XKRX: variants seen among roughly 807,000 people sequenced by gnomAD.
The protein encoded by XKRX is XK-related protein 2.
Under a neutral mutation model 22.4 loss-of-function variants are expected in XKRX, and 11 were observed. The observed-to-expected ratio is 0.49, with a 90% CI of 0.31 to 0.81. The LOEUF (loss-of-function observed/expected upper bound fraction) is 0.81, where lower values mean the gene tolerates loss of function less well. XKRX is among the 40% of genes least tolerant of loss of function. The pLI is 0.05. For missense variants in XKRX, 320 were observed against 336.5 expected (o/e 0.95, Z 0.38); for synonymous variants, 114 against 132.2 (o/e 0.86, Z 0.94).
the XKRX span, chrX:100,957,483 A>C: frequency 8.4e-7 from 1 of 1,190,071 alleles, no homozygotes; most frequent in South Asian, 1.8e-5. Flanking sequence ...CAGGGAGGAA[A>C]TAGAGACGCA....
At chrX:100,890,259 A>G in the XKRX span, among the ~76,000 whole-genome samples, 3 of 110,645 alleles carry the variant, frequency 2.7e-5, no homozygotes, top group Non-Finnish European at 5.7e-5. Context: ...GGCGAGGGCC[A>G]TAAGTCACCT....
chrX:100,897,295 T>C, the XKRX span, among the ~76,000 whole-genome samples: 1 of 110,851 alleles, frequency 9.0e-6, no homozygotes, highest in South Asian at 3.8e-4. Flanking sequence ...TTTAAAAATA[T>C]CTTTTTCGGC....
the XKRX span, among the ~76,000 whole-genome samples, chrX:100,937,694 C>T: frequency 1.8e-5 from 2 of 112,139 alleles, no homozygotes; most frequent in East Asian, 5.6e-4. Flanking sequence ...GTCATTCGCA[C>T]ACAAGGGTCT....
the XKRX span, among the ~76,000 whole-genome samples, chrX:100,941,188 G>A: frequency 8.9e-6 from 1 of 111,909 alleles, no homozygotes; most frequent in Non-Finnish European, 1.9e-5. Flanking sequence ...AGCTAGAGCT[G>A]TCCATTAGGG....
chrX:100,889,497 G>C, the XKRX span, among the ~76,000 whole-genome samples: 1 of 110,211 alleles, frequency 9.1e-6, no homozygotes, highest in Non-Finnish European at 1.9e-5. Flanking sequence ...TCAGCCTTGC[G>C]AGTAGCCATG....
chrX:100,927,646 A>T (rs1015332513), intron 1 of XKRX, among the ~76,000 whole-genome samples: 8 of 111,223 alleles, frequency 7.2e-5, no homozygotes, highest in African/African-American at 2.6e-4. Context: ...CTCAGAAAAA[A>T]AAAATTTTTT....
chrX:100,899,459 G>A, the XKRX span, among the ~76,000 whole-genome samples: 1 of 112,600 alleles, frequency 8.9e-6, no homozygotes, highest in Non-Finnish European at 1.9e-5. Flanking sequence ...AGGATACAGT[G>A]AGCCGAGATC....
At chrX:100,895,256 ACT>A in the XKRX span, among the ~76,000 whole-genome samples, 1 of 111,873 alleles carries the variant, frequency 8.9e-6, no homozygotes. Flanking sequence ...AGGTTGTAAG[ACT>A]CATCATTCTT....
chrX:100,955,884 A>G, the XKRX span, among the ~76,000 whole-genome samples: 4 of 111,615 alleles, frequency 3.6e-5, no homozygotes, highest in Non-Finnish European at 5.6e-5. Context: ...AGCTTGGATG[A>G]ATTTCAAAGC....
chrX:100,945,289 C>CACACAT, the XKRX span, among the ~76,000 whole-genome samples: 16,389 of 98,392 alleles, frequency 0.17, 1,583 homozygotes, highest in East Asian at 0.4. Flanking sequence ...CACACACACA[C>CACACAT]AGTTTATTTT....
chrX:100,916,682 T>C (rs1257458741), intron 2 of XKRX, among the ~76,000 whole-genome samples: 3 of 112,753 alleles, frequency 2.7e-5, no homozygotes, highest in African/African-American at 6.4e-5. Flanking sequence ...AAAATGTGTA[T>C]TGAAAATTCC....
the XKRX span, among the ~76,000 whole-genome samples, chrX:100,902,970 C>T: frequency 9.2e-6 from 1 of 108,550 alleles, no homozygotes; most frequent in East Asian, 2.9e-4. Context: ...AGGATGGTCT[C>T]GATCTCCTGA....
the XKRX span, among the ~76,000 whole-genome samples, chrX:100,946,147 T>C: frequency 3.8e-5 from 4 of 106,179 alleles, no homozygotes; most frequent in Non-Finnish European, 7.7e-5. Context: ...GTTGGTGCCA[T>C]GCACTCTAGC....
chrX:100,902,622 CA>C, the XKRX span, among the ~76,000 whole-genome samples: 1 of 112,083 alleles, frequency 8.9e-6, no homozygotes, highest in Admixed American at 9.5e-5. Flanking sequence ...ATCATATTAA[CA>C]GACTAAATAG....
chrX:100,921,201 A>AT (rs748816020), intron 2 of XKRX, among the ~76,000 whole-genome samples: 5 of 110,219 alleles, frequency 4.5e-5, no homozygotes, highest in Admixed American at 9.7e-5. Flanking sequence ...CCCATCCTTG[A>AT]TTTTTTTTGT....
the XKRX span, among the ~76,000 whole-genome samples, chrX:100,907,834 G>A: frequency 9.0e-6 from 1 of 111,369 alleles, no homozygotes; most frequent in Admixed American, 9.6e-5. Flanking sequence ...ATGTGTGAGA[G>A]TAACTGTTTA....
At chrX:100,893,337 A>T in the XKRX span, among the ~76,000 whole-genome samples, 1 of 112,099 alleles carries the variant, frequency 8.9e-6, no homozygotes, top group African/African-American at 3.2e-5. Context: ...CACCACACAA[A>T]AATGGTAAGT....
At chrX:100,910,898 A>T (rs60792507), downstream of XKRX, 538 of 638,835 alleles carry the variant, frequency 8.4e-4, no homozygotes, top group African/African-American at 0.011. Flanking sequence ...AATGAAAAAG[A>T]CTATCAAGAT....
the XKRX span, among the ~76,000 whole-genome samples, chrX:100,891,013 C>T: frequency 2.7e-5 from 3 of 111,713 alleles, no homozygotes; most frequent in Non-Finnish European, 5.6e-5. Flanking sequence ...AAAAATTAAA[C>T]CTTTATTTTT....
Sources: allele counts gnomAD v4.1 joint callset (sites outside exome capture counted in the v4.1 genomes callset), GRCh38; gene constraint gnomAD v4.1.1; transcripts MANE v1.5; gene names NCBI Gene and HGNC (gene_info 2026-07-23, HGNC 2026-07-21).